Variants in RANBP17 observed in about 807,000 individuals in gnomAD.
RANBP17 encodes the protein ran-binding protein 17.
Under a neutral mutation model 141.2 loss-of-function variants are expected in RANBP17, and 158 were observed. The observed-to-expected ratio is 1.12, with a 90% CI of 0.98 to 1.28. The LOEUF (loss-of-function observed/expected upper bound fraction) is 1.28, where lower values mean the gene tolerates loss of function less well. Among genes scored for constraint, RANBP17 ranks in the 50% most tolerant of loss-of-function variants. RANBP17 has a pLI of 0.00. For synonymous variants in RANBP17, 430 were observed against 450.0 expected (o/e 0.96, Z 0.56); for missense variants, 1,438 against 1,290.7 (o/e 1.11, Z -1.75).
At chr5:171,137,608 G>GTGTGTC (rs1554103831) in intron 14 of RANBP17, among the ~76,000 whole-genome samples, 26 of 143,712 alleles carry the variant, frequency 1.8e-4, no homozygotes, top group African/African-American at 6.1e-4. Flanking sequence ...GTGTGTGTCT[G>GTGTGTC]TGTGTGTGTG....
chr5:170,924,659 C>G (rs1772769021), intron 12 of RANBP17, 109 bp downstream of exon 12: 5 of 677,272 alleles, frequency 7.4e-6, no homozygotes, highest in South Asian at 3.1e-5. Flanking sequence ...TCCCCAATTC[C>G]TGGTCCCCTA....
intron 14 of RANBP17, among the ~76,000 whole-genome samples, chr5:171,086,158 G>C (rs1222986837): frequency 7.1e-6 from 1 of 141,496 alleles, no homozygotes; most frequent in Non-Finnish European, 1.5e-5. Context: ...AATTTATTGA[G>C]AGTTTTTAGC....
chr5:171,135,620 T>TCTCA (rs1757222245), intron 14 of RANBP17, among the ~76,000 whole-genome samples: 1 of 152,192 alleles, frequency 6.6e-6, no homozygotes. Context: ...CAAAAATCAC[T>TCTCA]TTGAGTTGTT....
chr5:171,108,342 TCA>T (rs761380555), intron 14 of RANBP17, among the ~76,000 whole-genome samples: 11 of 152,142 alleles, frequency 7.2e-5, no homozygotes, highest in East Asian at 5.8e-4. Context: ...AGAAAAAAAC[TCA>T]CACATAGCAT....
At chr5:171,220,206 A>G (rs1581053897) in intron 21 of RANBP17, among the ~76,000 whole-genome samples, 1 of 152,046 alleles carries the variant, frequency 6.6e-6, no homozygotes, top group South Asian at 2.1e-4. Context: ...TTGCCTGGGT[A>G]TCACCAGTGG....
chr5:171,280,272 G>A (rs1157646583), intron 25 of RANBP17, among the ~76,000 whole-genome samples: 1 of 151,880 alleles, frequency 6.6e-6, no homozygotes, highest in African/African-American at 2.4e-5. Context: ...GGCTTTTTGG[G>A]GGTTTTGTTT....
At chr5:170,887,080 A>T (rs2127372452) in intron 3 of RANBP17, among the ~76,000 whole-genome samples, 1 of 152,260 alleles carries the variant, frequency 6.6e-6, no homozygotes, top group East Asian at 1.9e-4. Context: ...TCAAGGGTGA[A>T]CTGTTACCTT....
chr5:171,154,910 TA>T (rs1280004048), intron 14 of RANBP17, among the ~76,000 whole-genome samples: 1 of 151,408 alleles, frequency 6.6e-6, no homozygotes, highest in Non-Finnish European at 1.5e-5. Flanking sequence ...ACCCTGTCTC[TA>T]CTAAAAATAC....
chr5:171,156,320 G>GA (rs901926110), intron 14 of RANBP17, among the ~76,000 whole-genome samples: 2 of 152,012 alleles, frequency 1.3e-5, no homozygotes, highest in African/African-American at 4.8e-5. Context: ...TAAATTAGAA[G>GA]AAAAAGGTAC....
At chr5:171,182,537 A>G (rs80310825) in intron 16 of RANBP17, among the ~76,000 whole-genome samples, 1,556 of 152,314 alleles carry the variant, frequency 0.01, 66 homozygotes, top group East Asian at 0.089. Flanking sequence ...CTCCTGTTTC[A>G]TTATTTATGG....
At chr5:171,218,964 A>G (rs532657914) in intron 21 of RANBP17, among the ~76,000 whole-genome samples, 7 of 152,152 alleles carry the variant, frequency 4.6e-5, no homozygotes, top group Admixed American at 6.5e-5. Context: ...TATTTTGCAC[A>G]TTAGTTGATG....
chr5:170,984,705 T>C (rs6555934), intron 14 of RANBP17, among the ~76,000 whole-genome samples: 2 of 151,926 alleles, frequency 1.3e-5, no homozygotes, highest in Non-Finnish European at 2.9e-5. Context: ...GGGTATAATT[T>C]AAAACGTTAA....
intron 25 of RANBP17, 59 bp from the exon 26 acceptor site, chr5:171,293,824 G>A (rs896048769): frequency 7.9e-7 from 1 of 1,270,450 alleles, no homozygotes; most frequent in African/African-American, 1.5e-5. Flanking sequence ...TGAAAGGCCT[G>A]GGATTAGGGG....
chr5:170,962,227 G>A (rs750809354), intron 13 of RANBP17, among the ~76,000 whole-genome samples: 4 of 152,220 alleles, frequency 2.6e-5, no homozygotes, highest in Non-Finnish European at 4.4e-5. Flanking sequence ...AGCTGAACCA[G>A]TACAACTGCT....
chr5:171,074,371 G>C (rs993229012), intron 14 of RANBP17, among the ~76,000 whole-genome samples: 1 of 152,122 alleles, frequency 6.6e-6, no homozygotes, highest in Non-Finnish European at 1.5e-5. Context: ...AAGGAAACAC[G>C]ACGATTAAAT....
At chr5:170,964,284 C>A (rs1776363560) in intron 13 of RANBP17, among the ~76,000 whole-genome samples, 1 of 152,028 alleles carries the variant, frequency 6.6e-6, no homozygotes, top group African/African-American at 2.4e-5. Context: ...TTGTTAATTG[C>A]AGCATTTTGT....
intron 12 of RANBP17, among the ~76,000 whole-genome samples, chr5:170,926,262 A>G (rs1259913859): frequency 6.6e-6 from 1 of 152,222 alleles, no homozygotes; most frequent in Non-Finnish European, 1.5e-5. Flanking sequence ...TTACAAAAAC[A>G]GGAGGCTGTC....
chr5:171,000,725 A>T (rs746438410), intron 14 of RANBP17, among the ~76,000 whole-genome samples: 1 of 152,114 alleles, frequency 6.6e-6, no homozygotes, highest in Non-Finnish European at 1.5e-5. Context: ...AGGTTTTGGG[A>T]TAGGCAGTGA....
intron 18 of RANBP17, among the ~76,000 whole-genome samples, chr5:171,191,043 T>C (rs1188182754): frequency 6.6e-6 from 1 of 152,188 alleles, no homozygotes; most frequent in Non-Finnish European, 1.5e-5. Flanking sequence ...GATACTAATA[T>C]TAAAATGATG....
Sources: allele counts gnomAD v4.1 joint callset (sites outside exome capture counted in the v4.1 genomes callset), GRCh38; gene constraint gnomAD v4.1.1; transcripts MANE v1.5; gene names NCBI Gene and HGNC (gene_info 2026-07-23, HGNC 2026-07-21).